NLRP1: variants seen among roughly 807,000 people sequenced by gnomAD.
NLRP1 encodes NACHT, LRR and PYD domains-containing protein 1.
In NLRP1, 94 loss-of-function variants were observed where a neutral mutation model predicts 136.7. The observed-to-expected ratio is 0.69, with a 90% confidence interval of 0.58 to 0.82. NLRP1 has a LOEUF of 0.82. Ranked by LOEUF, NLRP1 falls within the 40% of genes least tolerant of loss-of-function variation. NLRP1 has a pLI of 0.00. For missense variants in NLRP1, 1,575 were observed against 1,802.7 expected (o/e 0.87, Z 2.29); for synonymous variants, 690 against 725.1 (o/e 0.95, Z 0.78).
Position 5,530,810 on chromosome 17 carries a change from A to T in NLRP1, c.3297-106T>A, listed in dbSNP as rs1269615928. ...TTGCGGATACGGTACAGTGGCTTCA[A>T]GCCCAGACTTCGGAATCAGATGGAC... is the stretch of plus-strand genomic sequence containing the variant. On this transcript the variant is annotated intron_variant, in intron 11 of 16. Transcript: ENST00000572272. 2.3e-4 allele frequency: 181 copies of T among 795,452 alleles called. No individual in the cohort carries two copies. In the Admixed American group the frequency reaches 3.8e-3, roughly 17 times the overall value. The allele number at this position is 795,452 out of a possible 1,614,324, so 49.3% of individuals were successfully genotyped here. A position where few individuals can be genotyped will look rare whatever the true frequency, so the allele number is the denominator to read the frequency against.
intron 3 of NLRP1, among the ~76,000 whole-genome samples, chr17:5,581,630 G>T (rs2151830369): frequency 6.6e-6 from 1 of 152,246 alleles, no homozygotes; most frequent in East Asian, 1.9e-4. Flanking sequence ...TTGCTCTGTT[G>T]TCCCCCAGAT....
rs562656435 is a variant in NLRP1 at position 5,507,893 on chromosome 17, C to T, written c.4070-6021G>A. Among the ~76,000 whole-genome samples, 942 of 152,020 alleles carry T rather than the reference C, an allele frequency of 6.2e-3. 9 individuals carry two copies. Among genetic ancestry groups the T allele is most frequent in the African/African-American group, 0.021 (885 of 41,482 alleles). On this transcript the variant is annotated intron_variant, in intron 15 of 15. Transcript: ENST00000262467. ...GCTCACACCTGTAATCCCAGCACTT[C>T]GGGAGGCTTAGGTGGGCGGATCACA... is the stretch of plus-strand genomic sequence containing the variant.
intron 3 of NLRP1, among the ~76,000 whole-genome samples, chr17:5,580,194 C>T (rs1414537203): frequency 6.6e-6 from 1 of 152,040 alleles, no homozygotes; most frequent in Non-Finnish European, 1.5e-5. Flanking sequence ...GAGATCACGC[C>T]ACTGCACTCC....
At chr17:5,507,784 T>C (rs1597386424) in intron 15 of NLRP1, among the ~76,000 whole-genome samples, 1 of 151,882 alleles carries the variant, frequency 6.6e-6, no homozygotes, top group East Asian at 1.9e-4. Flanking sequence ...TGAGCCGAGA[T>C]TGCGCCACTG....
At chr17:5,506,717 C>A (rs1907352251) in intron 15 of NLRP1, among the ~76,000 whole-genome samples, 1 of 147,762 alleles carries the variant, frequency 6.8e-6, no homozygotes, top group Non-Finnish European at 1.5e-5. Context: ...CATGGTGAAA[C>A]CCCAGCTCTA....
rs1179245666 is a variant in NLRP1, at chr17:5,541,731, TG to T, written c.2699+125del. The stretch of plus-strand genomic sequence containing the variant: ...TCCTCCTGAGCCTCTACTGCCTGGC[TG>T]AGATCCTGTAGGCTCCTCCCACTCC... On this transcript the variant is annotated intron_variant, in intron 6 of 16. Coordinates refer to ENST00000572272, the MANE Select transcript of NLRP1 (RefSeq NM_033004.4). This position sits in a 1 kb window ranked among gnomAD's most constrained non-coding sequence, Gnocchi z 4.2. The T allele has an allele frequency of 2.1e-5, 20 of 935,824 alleles. No individual in the cohort carries two copies. The highest frequency in any genetic ancestry group is 1.1e-5 in the Non-Finnish European group (7 of 615,280). The allele number at this position is 935,824 out of a possible 1,614,324, so 58.0% of individuals were successfully genotyped here.
intron 16 of NLRP1, 150 bp downstream of exon 16, chr17:5,515,322 TG>T: frequency 1.3e-6 from 1 of 760,468 alleles, no homozygotes; most frequent in Non-Finnish European, 2.3e-6. Flanking sequence ...CAAGGGGGTA[TG>T]GGGAGCGACC....
chr17:5,579,524 G>C (rs79526941), intron 3 of NLRP1, among the ~76,000 whole-genome samples: 2,705 of 152,234 alleles, frequency 0.018, 75 homozygotes, highest in African/African-American at 0.062. Flanking sequence ...CTGTGGAAAG[G>C]AATTTCGCGA....
intron 15 of NLRP1, among the ~76,000 whole-genome samples, chr17:5,506,737 C>CAA (rs776202533): frequency 0.011 from 1,431 of 131,522 alleles, 37 homozygotes; most frequent in African/African-American, 0.031. Context: ...ACTAAAAATA[C>CAA]AAAAAAAAAA....
At chr17:5,512,626 A>G, downstream of NLRP1, 3 of 451,772 alleles carry the variant, frequency 6.6e-6, no homozygotes, top group South Asian at 6.7e-5. Flanking sequence ...GGCCAGTCTC[A>G]TGGGTGTGTG....
intron 16 of NLRP1, 50 bp from the exon 17 acceptor site, chr17:5,515,123 C>A (rs778529861): frequency 6.6e-7 from 1 of 1,523,382 alleles, no homozygotes; most frequent in Non-Finnish European, 9.0e-7. Context: ...CCTCCAATCC[C>A]CACCTTCAGT....
In NLRP1 at chr17:5,541,790, A is replaced by G. The variant is rs755427404; in HGVS notation, c.2699+67T>C. The G allele has an allele frequency of 1.5e-4, 227 of 1,527,158 alleles. No homozygotes were observed. The highest frequency in any genetic ancestry group is 2.0e-4 in the Non-Finnish European group (222 of 1,109,148). The allele number at this position is 1,527,158 out of a possible 1,614,324, so 94.6% of individuals were successfully genotyped here. ...CAGGTCTCACCTTCTCTCTGCTCTT[A>G]CCCTCTGCCTGCCTCATGGTGGCAG... is the stretch of plus-strand genomic sequence containing the variant. On this transcript the variant is annotated intron_variant, in intron 6 of 16. Coordinates refer to ENST00000572272, the MANE Select transcript of NLRP1 (RefSeq NM_033004.4). The surrounding 1 kb of genome is among the most constrained non-coding windows in gnomAD (Gnocchi z 4.2).
At chr17:5,567,898 T>A (rs939376182) in intron 3 of NLRP1, among the ~76,000 whole-genome samples, 3 of 152,226 alleles carry the variant, frequency 2.0e-5, no homozygotes, top group Non-Finnish European at 4.4e-5. Flanking sequence ...TCTCCTGGCC[T>A]GTAAGGTTTC....
At chr17:5,576,611 C>T (rs1440493115) in intron 3 of NLRP1, among the ~76,000 whole-genome samples, 1 of 152,134 alleles carries the variant, frequency 6.6e-6, no homozygotes, top group Non-Finnish European at 1.5e-5. Flanking sequence ...CAATAACAGG[C>T]TCTGAAATTG....
In NLRP1 at chr17:5,521,018, G is replaced by T; in HGVS notation, c.3784-6C>A. 2 of 1,593,468 alleles carry T rather than the reference G, an allele frequency of 1.3e-6. No homozygotes were observed. The highest frequency in any genetic ancestry group is 1.7e-6 in the Non-Finnish European group (2 of 1,168,836). On this transcript the variant is annotated splice_region_variant and splice_polypyrimidine_tract_variant and intron_variant, in intron 13 of 16. Transcript: ENST00000572272. ...ATTTCTAGATCATCTATGGCCTACA[G>T]AACATAGGGAACAATGATTAAGGGA...
chr17:5,521,719 C>T lies in NLRP1; in HGVS notation c.3588G>A (p.Lys1196=), dbSNP rs758345242. 32 of 1,613,350 alleles carry T rather than the reference C, an allele frequency of 2.0e-5. No homozygotes were observed. The highest frequency in any genetic ancestry group is 2.6e-5 in the Non-Finnish European group (31 of 1,179,998). Residue 1196 remains lysine, a synonymous_variant, in exon 13 of 17, where the codon AAG becomes AAA. Transcript: ENST00000572272. ...TGTGATGCAGCTCCACCCTGGCTGG[C>T]TTCTCCAGGAGCATCCCCTCCTCTT... ...HFKEEGMLLE[K]PARVELHHIV...
intron 5 of NLRP1, among the ~76,000 whole-genome samples, chr17:5,546,155 C>T (rs1284553123): frequency 6.6e-6 from 1 of 152,200 alleles, no homozygotes; most frequent in Non-Finnish European, 1.5e-5. Context: ...CTGTCAGTTA[C>T]AAGTTGAAGA....
chr17:5,553,074 T>C (rs755620763), intron 5 of NLRP1, among the ~76,000 whole-genome samples: 60 of 152,250 alleles, frequency 3.9e-4, no homozygotes, highest in Non-Finnish European at 6.9e-4. Flanking sequence ...GTTTCTTGAC[T>C]GCCTCCTCCT....
At position 5,537,049 on chromosome 17, in the gene NLRP1, G is replaced by T. The variant is rs1911172364; in HGVS notation, c.2871-109C>A. ...CACCTTCTGAGGCAGCGGCCGCAGG[G>T]TGGGTTCCCTGGAAGCCAGGCTCTG... On this transcript the variant is annotated intron_variant, in intron 7 of 16. Coordinates refer to ENST00000572272, the MANE Select transcript of NLRP1 (RefSeq NM_033004.4). This position sits in a 1 kb window ranked among gnomAD's most constrained non-coding sequence, Gnocchi z 4.5. The T allele has an allele frequency of 4.1e-6, 3 of 739,928 alleles. No individual in the cohort carries two copies. The allele number at this position is 739,928 out of a possible 1,614,324, so 45.8% of individuals were successfully genotyped here.
Sources: gnomAD v4.1 joint callset for allele counts (sites outside exome capture counted in the v4.1 genomes callset) on GRCh38, gnomAD v4.1.1 for gene constraint, Gnocchi (gnomAD v3.1) non-coding constraint, MANE v1.5 for transcripts, NCBI Gene and HGNC (gene_info 2026-07-23, HGNC 2026-07-21) for gene names.